Variants in TTC21B observed in about 807,000 individuals in gnomAD.
TTC21B encodes tetratricopeptide repeat domain 21B.
In TTC21B, 127 loss-of-function variants were observed where a neutral mutation model predicts 175.1. The ratio of observed to expected loss-of-function variants is 0.73; its 90% CI spans 0.63 to 0.84. TTC21B has a LOEUF of 0.84. TTC21B is among the 40% of genes least tolerant of loss of function. The pLI is 0.00. For synonymous variants in TTC21B, 524 were observed against 524.5 expected, an observed-to-expected ratio of 1.00 and a Z score of 0.01; for missense variants, 1,561 against 1,558.3, an observed-to-expected ratio of 1.00 and a Z score of -0.03.
intron 27 of TTC21B, chr2:165,879,497 G>A (rs1684772950): frequency 6.6e-6 from 1 of 152,218 alleles, no homozygotes. Flanking sequence ...GTATGAGGTT[G>A]ACTCATTTGA....
At chr2:165,936,412 T>C (rs1473670854) in intron 6 of TTC21B, among the ~76,000 whole-genome samples, 1 of 152,078 alleles carries the variant, frequency 6.6e-6, no homozygotes, top group Non-Finnish European at 1.5e-5. Flanking sequence ...GATGACATTT[T>C]AGATAATACA....
intron 3 of TTC21B, chr2:165,948,235 A>G (rs573476042): frequency 7.4e-4 from 111 of 149,316 alleles, no homozygotes; most frequent in African/African-American, 2.5e-3. Context: ...TGAATAGTGC[A>G]TACCAACTTC....
At position 165,907,737 on chromosome 2, in the gene TTC21B, G is replaced by A. The variant is rs1162508177; in HGVS notation, c.2509C>T (p.Leu837=). The change falls in exon 19 of 29, where the codon CTA becomes TTA. Residue 837 remains leucine, a synonymous_variant. Coordinates refer to ENST00000243344, the MANE Select transcript of TTC21B (RefSeq NM_024753.5). ...LMEDGRCQVL[L]AKVYSKMEKL... is the part of the protein sequence containing the mutation. ...TCCATTTTACTATAAACTTTTGCTA[G>A]AAGAACTTGACAACGTCCATCCTCC... is the stretch of plus-strand genomic sequence containing the variant. 6.2e-7 allele frequency: 1 copy of A among 1,613,136 alleles called. No homozygotes were observed. The highest frequency in any genetic ancestry group is 8.5e-7 in the Non-Finnish European group (1 of 1,179,664).
rs749836556 is a variant in TTC21B, at chr2:165,943,326, C to G, written c.445G>C (p.Ala149Pro). The change falls in exon 5 of 29, where the codon GCA becomes CCA. Residue 149 changes from alanine (A) to proline (P), a missense_variant. Physicochemically the swap from Ala to Pro is conservative, Grantham distance 27 (BLOSUM62 -1). Transcript: ENST00000243344. ...TTTCCTCTTGTAATATCAAGCCATG[C>G]TTTCAAAACGTGTCCCTGTAAAATG... ...DGSKQGHVLKAWLDITRGKEP... is the reference protein window; with the variant it reads ...DGSKQGHVLKPWLDITRGKEP... The G allele has an allele frequency of 6.2e-7, 1 of 1,608,458 alleles. No individual in the cohort carries two copies. Among genetic ancestry groups the G allele is most frequent in the African/African-American group, 1.3e-5 (1 of 74,886 alleles).
chr2:165,949,884 T>C lies in TTC21B; in HGVS notation c.22-160A>G, dbSNP rs576027693. On this transcript the variant is annotated intron_variant, in intron 1 of 28. Transcript: ENST00000243344. The stretch of plus-strand genomic sequence containing the variant: ...AATACTATTAATGGCTAGAACTCAA[T>C]GCTAAGGATTGCAGAACTGAATGAT... The C allele has an allele frequency of 2.0e-4, 125 of 630,142 alleles. No homozygotes were observed. In the African/African-American group the frequency reaches 2.2e-3, roughly 11 times the overall value. The allele number at this position is 630,142 out of a possible 1,614,324, so 39.0% of individuals were successfully genotyped here.
chr2:165,887,064 T>C (rs1685020709), intron 25 of TTC21B, among the ~76,000 whole-genome samples: 1 of 152,142 alleles, frequency 6.6e-6, no homozygotes, highest in African/African-American at 2.4e-5. Context: ...TCTAGGATAC[T>C]TGTACCCAAG....
intron 14 of TTC21B, among the ~76,000 whole-genome samples, chr2:165,916,553 T>C (rs1375255840): frequency 6.6e-5 from 10 of 152,206 alleles, no homozygotes; most frequent in African/African-American, 2.4e-4. Context: ...CCTCATCTAC[T>C]AGAATTTCAG....
intron 1 of TTC21B, among the ~76,000 whole-genome samples, chr2:165,952,011 T>C (rs1419164482): frequency 6.6e-6 from 1 of 152,194 alleles, no homozygotes; most frequent in Non-Finnish European, 1.5e-5. Context: ...GCTCTTCCTA[T>C]TTCCTTTTCA....
chr2:165,940,897 T>C (rs1287812595), intron 6 of TTC21B, 130 bp downstream of exon 6: 4 of 908,930 alleles, frequency 4.4e-6, no homozygotes, highest in African/African-American at 1.7e-5. Context: ...ATTTTAAGTA[T>C]TTCCTCGGTT....
intron 27 of TTC21B, chr2:165,879,726 C>T (rs144087533): frequency 3.3e-5 from 5 of 152,220 alleles, no homozygotes; most frequent in African/African-American, 1.2e-4. Flanking sequence ...CTTACATGGC[C>T]ATGGCATCTA....
chr2:165,920,334 G>C (rs6704620), intron 12 of TTC21B, among the ~76,000 whole-genome samples: 50,428 of 152,014 alleles, frequency 0.33, 8,684 homozygotes, highest in Non-Finnish European at 0.39. Flanking sequence ...ACTGGTAACA[G>C]ACATGCACTG....
At chr2:165,893,064 T>C (rs1042804117) in intron 22 of TTC21B, among the ~76,000 whole-genome samples, 3 of 152,128 alleles carry the variant, frequency 2.0e-5, no homozygotes, top group Non-Finnish European at 4.4e-5. Flanking sequence ...AATAAGAATA[T>C]GGTTTCAGAA....
chr2:165,925,813 G>A (rs934738244), intron 11 of TTC21B, among the ~76,000 whole-genome samples: 9 of 151,930 alleles, frequency 5.9e-5, no homozygotes, highest in African/African-American at 1.9e-4. Flanking sequence ...ATGCTTCTTT[G>A]CACGGTAATA....
intron 6 of TTC21B, 101 bp from the exon 7 acceptor site, chr2:165,933,158 C>A (rs1031983864): frequency 1.1e-6 from 1 of 875,824 alleles, no homozygotes; most frequent in South Asian, 1.5e-5. Flanking sequence ...TTCCACTGTT[C>A]AAATAAGTAA....
intron 6 of TTC21B, among the ~76,000 whole-genome samples, chr2:165,936,999 A>G (rs1687174133): frequency 6.6e-6 from 1 of 152,090 alleles, no homozygotes; most frequent in South Asian, 2.1e-4. Context: ...AACCTGCACA[A>G]GGTTATAGTA....
intron 19 of TTC21B, among the ~76,000 whole-genome samples, chr2:165,905,908 C>T (rs553143676): frequency 6.6e-5 from 10 of 152,166 alleles, no homozygotes; most frequent in African/African-American, 2.4e-4. Flanking sequence ...CCACATGGAA[C>T]CTTTACCAAA....
rs1452582965 is a variant in TTC21B, at chr2:165,874,819, TG to T, written c.3886del (p.His1296IlefsTer19). The part of the protein sequence containing the change: ...IDICHQVLEA[H>X]PTYPKIRKDI... ...CTTTCTGATTTTTGGATAAGTTGGA[TG>T]TGCTTCAAGAACCTGCAAAACAAAT... On this transcript the variant is annotated frameshift_variant, in exon 29 of 29. Coordinates refer to ENST00000243344, the MANE Select transcript of TTC21B (RefSeq NM_024753.5). LOFTEE classifies it high-confidence loss of function. 3 of 1,613,584 alleles carry T rather than the reference TG, an allele frequency of 1.9e-6. No individual in the cohort carries two copies. The highest frequency in any genetic ancestry group is 2.5e-6 in the Non-Finnish European group (3 of 1,179,806).
At chr2:165,938,581 A>G (rs1458830679) in intron 6 of TTC21B, among the ~76,000 whole-genome samples, 1 of 152,202 alleles carries the variant, frequency 6.6e-6, no homozygotes, top group African/African-American at 2.4e-5. Flanking sequence ...GGATAAAGCA[A>G]CAAGTTGTAC....
At chr2:165,893,622 G>A (rs952239379) in intron 22 of TTC21B, among the ~76,000 whole-genome samples, 3 of 152,070 alleles carry the variant, frequency 2.0e-5, no homozygotes, top group African/African-American at 7.2e-5. Flanking sequence ...TTGATGAATA[G>A]TAGGAAGATA....
Sources: allele counts gnomAD v4.1 joint callset (sites outside exome capture counted in the v4.1 genomes callset), GRCh38; gene constraint gnomAD v4.1.1; transcripts MANE v1.5; gene names NCBI Gene and HGNC (gene_info 2026-07-23, HGNC 2026-07-21).